Variants in DLG2 observed in about 807,000 individuals in gnomAD.
DLG2 encodes disks large homolog 2.
A neutral mutation model predicts 132.5 loss-of-function variants in DLG2; 45 were observed. The observed-to-expected ratio is 0.34, with a 90% confidence interval of 0.27 to 0.44. DLG2 has a LOEUF of 0.44. Ranked by LOEUF, DLG2 falls within the 20% of genes least tolerant of loss-of-function variation. The pLI is 1.00. For missense variants in DLG2, 1,045 were observed against 1,196.9 expected, an observed-to-expected ratio of 0.87 and a Z score of 1.87; for synonymous variants, 424 against 419.6, an observed-to-expected ratio of 1.01 and a Z score of -0.13.
rs188547583 is a variant in DLG2, at chr11:85,421,867, G to C, written c.41-136502C>G. Among the ~76,000 whole-genome samples, 16 of 152,186 alleles carry C rather than the reference G, an allele frequency of 1.1e-4. No individual in the cohort carries two copies. In the East Asian group the frequency reaches 2.3e-3, roughly 22 times the overall value. Reference sequence around the variant, plus strand: ...TTTAGAGCTCCTTTTAGCAGTTTTTGCAGTGGTGGGTCGGTAGTGGCAAAT... The same window carrying C: ...TTTAGAGCTCCTTTTAGCAGTTTTTCCAGTGGTGGGTCGGTAGTGGCAAAT... On this transcript the variant is annotated intron_variant, in intron 3 of 27. Transcript: ENST00000376104.
chr11:84,268,186 T>C (rs2097668707), intron 7 of DLG2, among the ~76,000 whole-genome samples: 1 of 152,214 alleles, frequency 6.6e-6, no homozygotes, highest in African/African-American at 2.4e-5. Flanking sequence ...TAAAACTGTC[T>C]CAAGACTTTT....
At chr11:85,543,657 T>C (rs2076116233) in intron 3 of DLG2, among the ~76,000 whole-genome samples, 1 of 152,228 alleles carries the variant, frequency 6.6e-6, no homozygotes, top group Non-Finnish European at 1.5e-5. Flanking sequence ...TATAGTTTCC[T>C]GACTTTTTAA....
chr11:83,842,659 A>C (rs2057850088), intron 16 of DLG2, among the ~76,000 whole-genome samples: 1 of 151,716 alleles, frequency 6.6e-6, no homozygotes, highest in African/African-American at 2.4e-5. Context: ...TACTAAAAAT[A>C]CAAAAAATTA....
chr11:84,701,191 A>AT (rs112132617), intron 6 of DLG2, among the ~76,000 whole-genome samples: 1,719 of 148,720 alleles, frequency 0.012, 30 homozygotes, highest in African/African-American at 0.038. Context: ...CTTCCAATAC[A>AT]TTTTTTTTTT....
intron 11 of DLG2, among the ~76,000 whole-genome samples, chr11:83,987,261 G>A (rs1010819226): frequency 7.9e-5 from 12 of 152,068 alleles, no homozygotes; most frequent in South Asian, 6.3e-4. Flanking sequence ...TGTGAAAATG[G>A]CCATACCGCC....
intron 6 of DLG2, among the ~76,000 whole-genome samples, chr11:84,925,711 C>T (rs993303392): frequency 3.3e-5 from 5 of 152,166 alleles, no homozygotes; most frequent in African/African-American, 4.8e-5. Flanking sequence ...GGCTTCCATA[C>T]TGCAAGTGAG....
intron 6 of DLG2, among the ~76,000 whole-genome samples, chr11:85,106,126 C>T (rs1359974536): frequency 6.6e-6 from 1 of 151,880 alleles, no homozygotes; most frequent in African/African-American, 2.4e-5. Context: ...GAACAATTAA[C>T]ACTTCAAAAG....
At chr11:83,467,965 C>T (rs181326769) in intron 25 of DLG2, among the ~76,000 whole-genome samples, 3 of 151,628 alleles carry the variant, frequency 2.0e-5, no homozygotes, top group Admixed American at 2.0e-4. Context: ...TAGCACACCT[C>T]ATTTAACTTG....
In DLG2 at chr11:84,620,399, A is replaced by G. The variant is rs143174960; in HGVS notation, c.358-85668T>C. On this transcript the variant is annotated intron_variant, in intron 6 of 27. Coordinates refer to ENST00000376104, the MANE Select transcript of DLG2 (RefSeq NM_001142699.3). ...AAAATATTGCTTAAATAAGACAGAA[A>G]ATGTGTCAACTATAAAGAAAGAATA... Among the ~76,000 whole-genome samples, 357 of 152,076 alleles carry G rather than the reference A, an allele frequency of 2.3e-3. 3 individuals are homozygous for G. Among genetic ancestry groups the G allele is most frequent in the African/African-American group, 8.4e-3 (348 of 41,558 alleles).
intron 4 of DLG2, among the ~76,000 whole-genome samples, chr11:85,257,119 C>A (rs1018417944): frequency 1.3e-5 from 2 of 152,030 alleles, no homozygotes; most frequent in Non-Finnish European, 2.9e-5. Flanking sequence ...GCTGTATAGA[C>A]AGGGAATGAA....
intron 22 of DLG2, chr11:83,480,384 C>A: frequency 2.6e-6 from 4 of 1,535,360 alleles, no homozygotes; most frequent in Non-Finnish European, 2.6e-6. Context: ...TAGCTACTTT[C>A]GCTATCGCTG....
chr11:84,454,044 C>A (rs560246982), intron 7 of DLG2, among the ~76,000 whole-genome samples: 1 of 151,526 alleles, frequency 6.6e-6, no homozygotes, highest in Non-Finnish European at 1.5e-5. Flanking sequence ...CAGGCTAGAT[C>A]ATATAAGGAG....
chr11:83,998,913 G>C (rs1452423308), intron 11 of DLG2, among the ~76,000 whole-genome samples: 1 of 152,144 alleles, frequency 6.6e-6, no homozygotes, highest in Non-Finnish European at 1.5e-5. Flanking sequence ...CAGGCATGTA[G>C]TTCCTGAACA....
At chr11:83,926,985 T>C (rs763818264) in intron 15 of DLG2, among the ~76,000 whole-genome samples, 25 of 152,168 alleles carry the variant, frequency 1.6e-4, no homozygotes, top group Non-Finnish European at 7.4e-5. Context: ...ACAATCACCA[T>C]AGACATAGTT....
chr11:83,839,718 A>G (rs927640915), intron 16 of DLG2, among the ~76,000 whole-genome samples: 1 of 152,238 alleles, frequency 6.6e-6, no homozygotes, highest in East Asian at 1.9e-4. Flanking sequence ...AATTTAAAAA[A>G]GGGATTACGA....
intron 2 of DLG2, among the ~76,000 whole-genome samples, chr11:85,606,527 C>T (rs2080557740): frequency 6.6e-6 from 1 of 152,146 alleles, no homozygotes; most frequent in South Asian, 2.1e-4. Flanking sequence ...ATGGACCAAG[C>T]AGCTCTCTGT....
intron 6 of DLG2, among the ~76,000 whole-genome samples, chr11:84,817,982 G>C (rs1284856838): frequency 6.6e-6 from 1 of 151,886 alleles, no homozygotes; most frequent in Non-Finnish European, 1.5e-5. Flanking sequence ...CAGATTCCTA[G>C]TGCTCCCCTC....
intron 6 of DLG2, among the ~76,000 whole-genome samples, chr11:84,821,942 A>G (rs1001634376): frequency 3.3e-5 from 5 of 151,700 alleles, no homozygotes; most frequent in African/African-American, 1.2e-4. Context: ...TTAGATGACT[A>G]TTTGATGAAA....
intron 6 of DLG2, among the ~76,000 whole-genome samples, chr11:84,730,292 T>C (rs58878408): frequency 0.012 from 1,784 of 152,118 alleles, 35 homozygotes; most frequent in African/African-American, 0.04. Flanking sequence ...TGAGTAATAA[T>C]ACCTCTGTCA....
Sources: allele counts gnomAD v4.1 joint callset (sites outside exome capture counted in the v4.1 genomes callset), GRCh38; gene constraint gnomAD v4.1.1; transcripts MANE v1.5; gene names NCBI Gene and HGNC (gene_info 2026-07-23, HGNC 2026-07-21).